The following CLSTN2 variants were observed in gnomAD, a reference collection of about 807,000 sequenced individuals.
CLSTN2 encodes calsyntenin-2.
A neutral mutation model predicts 101.2 loss-of-function variants in CLSTN2; 48 were observed. That is an observed-to-expected ratio of 0.47 (90% CI 0.38 to 0.60). The LOEUF (loss-of-function observed/expected upper bound fraction) is 0.60. Ranked by LOEUF, CLSTN2 falls within the 20% of genes least tolerant of loss-of-function variation. The pLI, the probability that CLSTN2 is intolerant of heterozygous loss-of-function variation, is 0.00. For synonymous variants in CLSTN2, 481 were observed against 463.6 expected (o/e 1.04, Z -0.48); for missense variants, 1,160 against 1,238.2 (o/e 0.94, Z 0.95).
In CLSTN2 at chr3:140,054,550, C is replaced by T. The variant is rs946603463; in HGVS notation, c.109+119067C>T. 2.6e-5 allele frequency among the ~76,000 whole-genome samples: 4 copies of T among 152,282 alleles called. No individual in the cohort carries two copies. In the South Asian group the frequency reaches 8.3e-4, roughly 32 times the overall value. ...TCTGGCCACAGGCTTTGCTTATAGC[C>T]ACCCACATACCCACTGACTTATACA... On this transcript the variant is annotated intron_variant, in intron 1 of 16. Coordinates refer to ENST00000458420, the MANE Select transcript of CLSTN2 (RefSeq NM_022131.3).
At chr3:140,445,314 T>C (rs1933053333) in intron 5 of CLSTN2, among the ~76,000 whole-genome samples, 2 of 152,198 alleles carry the variant, frequency 1.3e-5, no homozygotes, top group South Asian at 4.1e-4. Flanking sequence ...GAATTTCTCA[T>C]CATAGATAAC....
chr3:140,456,651 G>A (rs998422857), intron 6 of CLSTN2, among the ~76,000 whole-genome samples: 1 of 152,080 alleles, frequency 6.6e-6, no homozygotes, highest in African/African-American at 2.4e-5. Context: ...GCCAGACATA[G>A]TGGCGCATGC....
intron 8 of CLSTN2, among the ~76,000 whole-genome samples, chr3:140,520,966 C>T (rs968463837): frequency 2.0e-5 from 3 of 151,692 alleles, no homozygotes; most frequent in African/African-American, 4.8e-5. Flanking sequence ...CATGATTGCA[C>T]TGTGAATGTC....
chr3:140,459,706 C>T lies in CLSTN2; in HGVS notation c.1159C>T (p.His387Tyr), dbSNP rs983204874. The T allele has an allele frequency of 1.2e-5, 20 of 1,614,004 alleles. No individual in the cohort carries two copies. Among genetic ancestry groups the T allele is most frequent in the Non-Finnish European group, 1.7e-5 (20 of 1,180,016 alleles). Residue 387 changes from histidine (H) to tyrosine (Y), a missense_variant, in exon 7 of 17, where the codon CAC (histidine) becomes TAC (tyrosine). Transcript: ENST00000458420. The stretch of plus-strand genomic sequence containing the variant: ...GTTCACCATCACCATGTGGATGAAA[C>T]ACGGCCCCAGCCCTGGTGTGAGAGC... ...DQFTITMWMK[H>Y]GPSPGVRAEK...
intron 2 of CLSTN2, among the ~76,000 whole-genome samples, chr3:140,371,686 G>A (rs899648193): frequency 2.0e-5 from 3 of 152,170 alleles, no homozygotes; most frequent in South Asian, 2.1e-4. Context: ...TGCAAGTCAG[G>A]GAGATTATAG....
chr3:140,544,071 C>A lies in CLSTN2; in HGVS notation c.1508-2444C>A, dbSNP rs1377568996. Among the ~76,000 whole-genome samples, 3 of 152,340 alleles carry A rather than the reference C, an allele frequency of 2.0e-5. No homozygotes were observed. In the East Asian group the frequency reaches 5.8e-4, roughly 29 times the overall value. The stretch of plus-strand genomic sequence containing the variant: ...ATTGGAAAGACAACCACAGGGCCCA[C>A]CACTCTGCTGATATTCAAATCAACA... On this transcript the variant is annotated intron_variant, in intron 9 of 16. Coordinates refer to ENST00000458420, the MANE Select transcript of CLSTN2 (RefSeq NM_022131.3).
intron 1 of CLSTN2, among the ~76,000 whole-genome samples, chr3:139,966,742 A>T (rs1935606939): frequency 6.6e-6 from 1 of 152,180 alleles, no homozygotes; most frequent in African/African-American, 2.4e-5. Flanking sequence ...TCAGAGGCTC[A>T]TAAGTGTTTG....
intron 2 of CLSTN2, among the ~76,000 whole-genome samples, chr3:140,205,253 G>C (rs2010765906): frequency 6.6e-6 from 1 of 152,172 alleles, no homozygotes; most frequent in Admixed American, 6.5e-5. Context: ...ATACCTACGT[G>C]TGGTTCAACT....
intron 2 of CLSTN2, among the ~76,000 whole-genome samples, chr3:140,236,750 T>A (rs1306850114): frequency 6.6e-6 from 1 of 151,976 alleles, no homozygotes; most frequent in Admixed American, 6.6e-5. Flanking sequence ...GTCTAATCTG[T>A]TTTTAATCTC....
intron 2 of CLSTN2, among the ~76,000 whole-genome samples, chr3:140,285,274 T>C (rs1353636035): frequency 2.0e-5 from 3 of 152,164 alleles, no homozygotes; most frequent in African/African-American, 7.2e-5. Context: ...TATATACCCA[T>C]ATGGACCACT....
intron 1 of CLSTN2, among the ~76,000 whole-genome samples, chr3:139,968,382 A>G (rs1236705352): frequency 6.6e-6 from 1 of 152,196 alleles, no homozygotes. Flanking sequence ...CATAAACATG[A>G]TGATCCTCAT....
At chr3:140,320,618 G>A (rs2087273225) in intron 2 of CLSTN2, among the ~76,000 whole-genome samples, 1 of 147,390 alleles carries the variant, frequency 6.8e-6, no homozygotes, top group East Asian at 2.0e-4. Context: ...TTGCGGGGGG[G>A]GGCAGGGGTC....
intron 1 of CLSTN2, among the ~76,000 whole-genome samples, chr3:139,954,325 G>T (rs1288467465): frequency 3.3e-5 from 5 of 152,166 alleles, no homozygotes; most frequent in African/African-American, 9.7e-5. Context: ...TGTAGTCATT[G>T]AACTCTCAGC....
intron 2 of CLSTN2, among the ~76,000 whole-genome samples, chr3:140,387,855 T>C (rs1036532116): frequency 1.3e-5 from 2 of 152,348 alleles, no homozygotes; most frequent in African/African-American, 2.4e-5. Flanking sequence ...TTCTCCATAA[T>C]TGGGAGATAA....
chr3:140,253,463 C>G (rs367863437), intron 2 of CLSTN2, among the ~76,000 whole-genome samples: 1 of 152,116 alleles, frequency 6.6e-6, no homozygotes, highest in African/African-American at 2.4e-5. Flanking sequence ...TATGATATTA[C>G]GTAATCAAAT....
chr3:140,534,670 C>T (rs1935326676), intron 9 of CLSTN2, among the ~76,000 whole-genome samples: 1 of 152,202 alleles, frequency 6.6e-6, no homozygotes. Context: ...TGCACAAACT[C>T]TTAAAACTTC....
chr3:140,089,017 A>AG (rs2008725184), intron 1 of CLSTN2, among the ~76,000 whole-genome samples: 1 of 152,194 alleles, frequency 6.6e-6, no homozygotes, highest in Admixed American at 6.5e-5. Context: ...GACAAAAAAA[A>AG]GCACAAACAT....
In CLSTN2 at chr3:140,114,066, T is replaced by C. The variant is rs530470352; in HGVS notation, c.110-61885T>C. Among the ~76,000 whole-genome samples the C allele has an allele frequency of 3.9e-4, 59 of 152,066 alleles. 1 individual carries two copies. Among genetic ancestry groups the C allele is most frequent in the Non-Finnish European group, 7.9e-4 (54 of 68,010 alleles). ...TCTGAGCAGACATGGATCCTTACCA[T>C]CTTCTTGCTGGAGTTCAGGATGAGG... On this transcript the variant is annotated intron_variant, in intron 1 of 16. Transcript: ENST00000458420.
intron 2 of CLSTN2, among the ~76,000 whole-genome samples, chr3:140,234,343 G>A (rs1459736123): frequency 1.3e-5 from 2 of 152,150 alleles, no homozygotes; most frequent in African/African-American, 4.8e-5. Context: ...CCAGGCCATT[G>A]AGGGTAGGCT....
Sources: allele counts gnomAD v4.1 joint callset (sites outside exome capture counted in the v4.1 genomes callset), GRCh38; gene constraint gnomAD v4.1.1; transcripts MANE v1.5; gene names NCBI Gene and HGNC (gene_info 2026-07-23, HGNC 2026-07-21).